Variants in ARG2 observed in about 807,000 individuals in gnomAD.
The protein encoded by ARG2 is arginase 2.
A neutral mutation model predicts 39.4 loss-of-function variants in ARG2; 21 were observed. That is an observed-to-expected ratio of 0.53 (90% CI 0.38 to 0.77). The LOEUF is 0.77. ARG2 is among the 30% of genes least tolerant of loss of function. The pLI is 0.00. For synonymous variants in ARG2, 150 were observed against 156.7 expected (o/e 0.96, Z 0.32); for missense variants, 378 against 426.2 (o/e 0.89, Z 1.00).
intron 2 of ARG2, 69 bp downstream of exon 2, chr14:67,621,035 C>A: frequency 1.4e-6 from 2 of 1,396,008 alleles, no homozygotes; most frequent in Non-Finnish European, 2.0e-6. Flanking sequence ...TTTTCTCTGA[C>A]ATCCAGGGAC....
At chr14:67,643,004 T>C (rs1337991183) in intron 3 of ARG2, among the ~76,000 whole-genome samples, 1 of 152,068 alleles carries the variant, frequency 6.6e-6, no homozygotes, top group African/African-American at 2.4e-5. Flanking sequence ...GGTTTGGCCA[T>C]GTTGCCCAGA....
chr14:67,651,207 G>A lies in ARG2; in HGVS notation c.*287G>A, dbSNP rs190226837. The A allele has an allele frequency of 1.1e-5, 14 of 1,241,976 alleles. No individual in the cohort carries two copies. Among genetic ancestry groups the A allele is most frequent in the Non-Finnish European group, 1.5e-5 (14 of 932,500 alleles). The allele number at this position is 1,241,976 out of a possible 1,614,324, so 76.9% of individuals were successfully genotyped here. A position where few individuals can be genotyped will look rare whatever the true frequency, so the allele number is the denominator to read the frequency against. ...GGTATATCATACTGGTCTTGTTGCT[G>A]TTGTTCCTTCACATTTAAGTGGTTT... On this transcript the variant is annotated 3_prime_UTR_variant, in exon 8 of 8. Transcript: ENST00000261783.
At chr14:67,645,597 T>C (rs1594829501) in intron 3 of ARG2, 46 bp from the exon 4 acceptor site, 2 of 1,587,982 alleles carry the variant, frequency 1.3e-6, no homozygotes, top group Admixed American at 1.7e-5. Context: ...TTATCGGTCA[T>C]GTTTGCCAAG....
chr14:67,635,808 C>T (rs1029772683), intron 2 of ARG2, among the ~76,000 whole-genome samples: 10 of 152,014 alleles, frequency 6.6e-5, no homozygotes, highest in African/African-American at 9.7e-5. Flanking sequence ...GCCAAGATCA[C>T]GCCACTTCAC....
At chr14:67,633,279 CT>C (rs1054382664) in intron 2 of ARG2, among the ~76,000 whole-genome samples, 3 of 149,828 alleles carry the variant, frequency 2.0e-5, no homozygotes, top group Non-Finnish European at 3.0e-5. Context: ...CTTTTTTTTT[CT>C]TCTTTGCAGT....
chr14:67,646,061 G>A (rs961321265), intron 4 of ARG2, among the ~76,000 whole-genome samples: 2 of 152,198 alleles, frequency 1.3e-5, no homozygotes, highest in Admixed American at 6.5e-5. Context: ...GGACTTCTTG[G>A]TTAGAGGCTC....
intron 2 of ARG2, among the ~76,000 whole-genome samples, chr14:67,635,858 A>AT (rs919387509): frequency 3.3e-5 from 5 of 152,118 alleles, no homozygotes; most frequent in African/African-American, 7.2e-5. Flanking sequence ...TCTAAAAAAA[A>AT]TTTTTTTTAA....
At chr14:67,635,621 A>G (rs576246709) in intron 2 of ARG2, among the ~76,000 whole-genome samples, 1 of 152,326 alleles carries the variant, frequency 6.6e-6, no homozygotes, top group East Asian at 1.9e-4. Context: ...TGGGAGGCCA[A>G]GGTGGGTGGA....
At chr14:67,630,887 T>C (rs1305678830) in intron 2 of ARG2, among the ~76,000 whole-genome samples, 3 of 152,298 alleles carry the variant, frequency 2.0e-5, no homozygotes, top group African/African-American at 7.2e-5. Flanking sequence ...CCCGCCCATG[T>C]AGCATGTAGA....
intron 2 of ARG2, among the ~76,000 whole-genome samples, chr14:67,637,410 C>CAAAAAAAAAAAAAAAAAAAAAAAAAA (rs34746542): frequency 9.7e-6 from 1 of 103,620 alleles, no homozygotes. Context: ...GACTCTGTCT[C>CAAAAAAAAAAAAAAAAAAAAAAAAAA]AAAAAAAAAA....
At chr14:67,621,050 C>A in intron 2 of ARG2, 84 bp downstream of exon 2, 2 of 1,330,810 alleles carry the variant, frequency 1.5e-6, no homozygotes, top group South Asian at 2.4e-5. Context: ...AGGGACTACA[C>A]AGCTTTGTGT....
At chr14:67,647,067 C>T (rs889476314) in intron 6 of ARG2, 42 bp downstream of exon 6, 1 of 1,244,170 alleles carries the variant, frequency 8.0e-7, no homozygotes, top group Admixed American at 1.7e-5. Context: ...CCCCAATGGG[C>T]AACACACTTT....
intron 2 of ARG2, among the ~76,000 whole-genome samples, chr14:67,625,672 C>T (rs1432251392): frequency 1.7e-5 from 2 of 115,170 alleles, no homozygotes; most frequent in African/African-American, 7.3e-5. Context: ...GAGAGCAAAA[C>T]TCCATCTCAA....
intron 4 of ARG2, among the ~76,000 whole-genome samples, chr14:67,646,099 C>A (rs538234918): frequency 6.6e-6 from 1 of 152,306 alleles, no homozygotes; most frequent in African/African-American, 2.4e-5. Flanking sequence ...ACACACTGAT[C>A]TAGAAGACAA....
intron 5 of ARG2, 75 bp downstream of exon 5, chr14:67,646,813 A>T: frequency 6.9e-7 from 1 of 1,447,512 alleles, no homozygotes; most frequent in Non-Finnish European, 9.7e-7. Flanking sequence ...CTGATGCTTA[A>T]CTTGGTCTAT....
intron 3 of ARG2, among the ~76,000 whole-genome samples, chr14:67,644,501 C>T (rs1566804550): frequency 6.6e-6 from 1 of 152,190 alleles, no homozygotes; most frequent in Non-Finnish European, 1.5e-5. Context: ...GAATAGCTGT[C>T]TCATGCTATA....
At chr14:67,631,882 A>T (rs2036922260) in intron 2 of ARG2, among the ~76,000 whole-genome samples, 1 of 150,950 alleles carries the variant, frequency 6.6e-6, no homozygotes, top group Non-Finnish European at 1.5e-5. Flanking sequence ...CTATTTTTTT[A>T]AAAATTTTTT....
intron 2 of ARG2, among the ~76,000 whole-genome samples, chr14:67,627,277 A>ATATATATC (rs2036876659): frequency 1.3e-5 from 2 of 148,814 alleles, no homozygotes; most frequent in Admixed American, 6.7e-5. Context: ...ATATATATAT[A>ATATATATC]TATATCTGAA....
At chr14:67,623,250 A>G (rs960910349) in intron 2 of ARG2, among the ~76,000 whole-genome samples, 2 of 152,300 alleles carry the variant, frequency 1.3e-5, no homozygotes, top group Admixed American at 1.3e-4. Flanking sequence ...GTACCAAGAG[A>G]CATTTCAGTT....
Sources: allele counts gnomAD v4.1 joint callset (sites outside exome capture counted in the v4.1 genomes callset), GRCh38; gene constraint gnomAD v4.1.1; transcripts MANE v1.5; gene names NCBI Gene and HGNC (gene_info 2026-07-23, HGNC 2026-07-21).